Variants in ARHGAP24 observed in about 807,000 individuals in gnomAD.
ARHGAP24 encodes the protein Rho GTPase activating protein 24, also known as rho GTPase-activating protein 24.
In ARHGAP24, 50 loss-of-function variants were observed where a neutral mutation model predicts 76.4. That is an observed-to-expected ratio of 0.65 (90% CI 0.52 to 0.83). The LOEUF is 0.83. Among genes scored for constraint, ARHGAP24 ranks in the 40% least tolerant of loss-of-function variants. ARHGAP24 has a pLI of 0.00. For synonymous variants in ARHGAP24, 345 were observed against 323.3 expected (o/e 1.07, Z -0.72); for missense variants, 930 against 914.2 (o/e 1.02, Z -0.22).
At chr4:85,582,227 G>A (rs1315823163) in intron 2 of ARHGAP24, among the ~76,000 whole-genome samples, 4 of 151,988 alleles carry the variant, frequency 2.6e-5, no homozygotes, top group Non-Finnish European at 4.4e-5. Flanking sequence ...TAAATATTCT[G>A]TTTTCTATCT....
chr4:85,747,399 G>A (rs964509966), intron 3 of ARHGAP24, among the ~76,000 whole-genome samples: 2 of 152,014 alleles, frequency 1.3e-5, no homozygotes, highest in South Asian at 2.1e-4. Context: ...CTACAATATG[G>A]CATTAAAATA....
At chr4:85,773,366 G>A (rs9993320) in intron 3 of ARHGAP24, among the ~76,000 whole-genome samples, 146,182 of 152,280 alleles carry the variant, frequency 0.96, 70,471 homozygotes, top group East Asian at 1. Flanking sequence ...CCTGAGCCTG[G>A]CTTTTGCCTG....
chr4:85,579,411 C>T (rs533223315), intron 2 of ARHGAP24, among the ~76,000 whole-genome samples: 1 of 150,792 alleles, frequency 6.6e-6, no homozygotes, highest in Non-Finnish European at 1.5e-5. Flanking sequence ...TTGGTGTTTA[C>T]AGCAATGTGT....
At position 85,796,356 on chromosome 4, in the gene ARHGAP24, AT is replaced by A. The variant is rs375032766; in HGVS notation, c.268+74385del. Reference sequence around the variant, plus strand: ...TGAATATCAAGTCTATCTTTAAAAAATATGGGGCTTTCTAAAATAATTTTCT... The same window carrying A: ...TGAATATCAAGTCTATCTTTAAAAAAATGGGGCTTTCTAAAATAATTTTCT... On this transcript the variant is annotated intron_variant, in intron 3 of 9. Coordinates refer to ENST00000395184, the MANE Select transcript of ARHGAP24 (RefSeq NM_001025616.3). Among the ~76,000 whole-genome samples, 611 of 152,306 alleles carry A rather than the reference AT, an allele frequency of 4.0e-3. 1 individual carries two copies. The highest frequency in any genetic ancestry group is 0.014 in the African/African-American group (592 of 41,578).
At chr4:85,778,920 C>T (rs1261931153) in intron 3 of ARHGAP24, 3 of 985,246 alleles carry the variant, frequency 3.0e-6, no homozygotes, top group Non-Finnish European at 3.6e-6. Context: ...AAACAAGAGT[C>T]GGCACTGGGA....
At chr4:85,979,209 T>G (rs1739501921) in intron 8 of ARHGAP24, among the ~76,000 whole-genome samples, 2 of 152,212 alleles carry the variant, frequency 1.3e-5, no homozygotes, top group South Asian at 2.1e-4. Context: ...AGACACATAA[T>G]GTCACTTCAT....
At chr4:85,895,224 G>A (rs886160383) in intron 3 of ARHGAP24, among the ~76,000 whole-genome samples, 2 of 152,020 alleles carry the variant, frequency 1.3e-5, no homozygotes, top group Admixed American at 6.6e-5. Context: ...AATATATTTA[G>A]CATGTAAAAG....
chr4:85,981,293 G>A (rs188048027), intron 8 of ARHGAP24, among the ~76,000 whole-genome samples: 3 of 152,316 alleles, frequency 2.0e-5, no homozygotes, highest in East Asian at 3.9e-4. Flanking sequence ...AAATACAGCT[G>A]TCAGAGTTTG....
intron 2 of ARHGAP24, among the ~76,000 whole-genome samples, chr4:85,635,444 A>T (rs560108311): frequency 6.6e-6 from 1 of 151,904 alleles, no homozygotes; most frequent in Non-Finnish European, 1.5e-5. Context: ...CCAATGGCTT[A>T]TTCTTATTGT....
chr4:85,832,439 C>T (rs1249660750), intron 3 of ARHGAP24, among the ~76,000 whole-genome samples: 1 of 152,164 alleles, frequency 6.6e-6, no homozygotes, highest in Non-Finnish European at 1.5e-5. Flanking sequence ...AAGGGGCAGT[C>T]TCTTCAGGCC....
intron 2 of ARHGAP24, among the ~76,000 whole-genome samples, chr4:85,652,309 C>T (rs973443442): frequency 2.0e-5 from 3 of 152,156 alleles, no homozygotes; most frequent in Non-Finnish European, 4.4e-5. Flanking sequence ...AATATTTCTA[C>T]TACCGTATTG....
At chr4:85,835,648 A>C (rs916954366) in intron 3 of ARHGAP24, among the ~76,000 whole-genome samples, 1 of 151,732 alleles carries the variant, frequency 6.6e-6, no homozygotes, top group Non-Finnish European at 1.5e-5. Flanking sequence ...GGTGGAAAGG[A>C]TGTGAAGCGA....
At chr4:85,554,801 G>A (rs1361810836) in intron 1 of ARHGAP24, among the ~76,000 whole-genome samples, 2 of 151,564 alleles carry the variant, frequency 1.3e-5, no homozygotes, top group Non-Finnish European at 2.9e-5. Flanking sequence ...CTCCTGAGTA[G>A]CTGGGACTAC....
chr4:85,991,428 T>G lies in ARHGAP24; in HGVS notation c.929-3155T>G, dbSNP rs1045736012. 2.0e-5 allele frequency: 3 copies of G among 152,278 alleles called. No homozygotes were observed. In the East Asian group the frequency reaches 5.8e-4, roughly 29 times the overall value. 9.4% of individuals were successfully genotyped at this position (152,278 alleles called of 1,614,324 possible). On this transcript the variant is annotated intron_variant, in intron 8 of 9. Transcript: ENST00000395184. The stretch of plus-strand genomic sequence containing the variant: ...AGCCACATGTTCATATCAACACTAT[T>G]CATATTAGCCCCAAACTGGAAACAG...
At position 85,570,535 on chromosome 4, in the gene ARHGAP24, C is replaced by T. The variant is rs757500770; in HGVS notation, c.-7C>T. The T allele has an allele frequency of 1.2e-6, 2 of 1,613,612 alleles. No homozygotes were observed. Among genetic ancestry groups the T allele is most frequent in the Non-Finnish European group, 1.7e-6 (2 of 1,179,944 alleles). On this transcript the variant is annotated 5_prime_UTR_variant, in exon 2 of 10. Transcript: ENST00000395184. Reference sequence around the variant, plus strand: ...TTTGCTAACTAGGAAAGTCCATCAGCTTGATAATGGAGGAGAACAATGACT... The same window carrying T: ...TTTGCTAACTAGGAAAGTCCATCAGTTTGATAATGGAGGAGAACAATGACT...
intron 1 of ARHGAP24, among the ~76,000 whole-genome samples, chr4:85,538,096 A>G (rs1323134267): frequency 1.3e-5 from 2 of 152,008 alleles, no homozygotes; most frequent in African/African-American, 2.4e-5. Flanking sequence ...AATCATTAAT[A>G]GTTAGGGAGG....
intron 3 of ARHGAP24, among the ~76,000 whole-genome samples, chr4:85,751,554 TTTTG>T (rs1412315517): frequency 2.0e-5 from 3 of 152,216 alleles, no homozygotes; most frequent in African/African-American, 4.8e-5. Flanking sequence ...CTCAGCCCAA[TTTTG>T]TTTGTTTGTT....
At chr4:85,930,733 T>A in intron 4 of ARHGAP24, 2 of 1,288,068 alleles carry the variant, frequency 1.6e-6, no homozygotes, top group Non-Finnish European at 2.0e-6. Flanking sequence ...AAAGGAAGTT[T>A]TTTTTTGCTA....
intron 2 of ARHGAP24, among the ~76,000 whole-genome samples, chr4:85,599,488 G>T (rs2109986980): frequency 6.6e-6 from 1 of 152,174 alleles, no homozygotes; most frequent in South Asian, 2.1e-4. Flanking sequence ...CTTACTTTCT[G>T]GGAATATCCA....
Sources: allele counts gnomAD v4.1 joint callset (sites outside exome capture counted in the v4.1 genomes callset), GRCh38; gene constraint gnomAD v4.1.1; transcripts MANE v1.5; gene names NCBI Gene and HGNC (gene_info 2026-07-23, HGNC 2026-07-21).